The following PHF21B variants were observed in gnomAD, a reference collection of about 807,000 sequenced individuals.
PHF21B encodes the protein PHD finger protein 4.
In PHF21B, 22 loss-of-function variants were observed where a neutral mutation model predicts 62.2. The ratio of observed to expected loss-of-function variants is 0.35; its 90% confidence interval spans 0.25 to 0.51. The LOEUF (loss-of-function observed/expected upper bound fraction) is 0.51. Ranked by LOEUF, PHF21B falls within the 20% of genes least tolerant of loss-of-function variation. PHF21B has a pLI of 0.97. For synonymous variants in PHF21B, 341 were observed against 314.7 expected (o/e 1.08, Z -0.88); for missense variants, 701 against 707.9 (o/e 0.99, Z 0.11).
Position 45,009,513 on chromosome 22 carries a change from C to A in PHF21B, c.37G>T (p.Glu13Ter). 1 of 1,564,452 alleles carries A rather than the reference C, an allele frequency of 6.4e-7. No individual in the cohort carries two copies. ...CCACCTACCTGGTGGCGCGCGAGTT[C>A]CACGGCGAGCGCCTCGGGCCGGCTC... ...LQSRPEALAV[E>*]LARHQNGDLK... The change falls in exon 1 of 13, where the codon GAA (glutamate) becomes TAA (stop). Residue 13 changes from glutamate (E) to a stop codon, truncating the protein, a stop_gained. Coordinates refer to ENST00000313237, the MANE Select transcript of PHF21B (RefSeq NM_138415.5). LOFTEE classifies it high-confidence loss of function. This position sits in a 1 kb window ranked among gnomAD's most constrained non-coding sequence, Gnocchi z 5.9.
intron 5 of PHF21B, among the ~76,000 whole-genome samples, chr22:44,905,638 T>G (rs966248351): frequency 1.3e-5 from 2 of 152,174 alleles, no homozygotes; most frequent in Admixed American, 1.3e-4. Context: ...TTTTGTTTTT[T>G]GTTTTTTTGA....
Position 44,935,466 on chromosome 22 carries a change from T to C in PHF21B, c.121-14976A>G, listed in dbSNP as rs183915414. ...TGTCTCTACTAAAAACACAAAAAATTAGCCGGGCGTGGTGGCGGGCGCCTG... is the reference window on the plus strand; with the variant it reads ...TGTCTCTACTAAAAACACAAAAAATCAGCCGGGCGTGGTGGCGGGCGCCTG... On this transcript the variant is annotated intron_variant, in intron 2 of 12. Transcript: ENST00000313237. Among the ~76,000 whole-genome samples, 829 of 152,004 alleles carry C rather than the reference T, an allele frequency of 5.5e-3. 4 individuals carry two copies. Among genetic ancestry groups the C allele is most frequent in the Non-Finnish European group, 8.5e-3 (578 of 67,980 alleles).
chr22:44,909,533 C>T (rs145153942), intron 5 of PHF21B, among the ~76,000 whole-genome samples: 101 of 152,344 alleles, frequency 6.6e-4, no homozygotes, highest in African/African-American at 2.3e-3. Flanking sequence ...TTAGACATGT[C>T]GAAGGACAAT....
At chr22:45,005,219 C>A (rs1325421317) in intron 2 of PHF21B, among the ~76,000 whole-genome samples, 1 of 152,224 alleles carries the variant, frequency 6.6e-6, no homozygotes, top group Non-Finnish European at 1.5e-5. Flanking sequence ...GGAGTCTTCA[C>A]ACATCATATC....
intron 2 of PHF21B, chr22:44,989,204 C>T (rs780592557): frequency 2.0e-5 from 3 of 152,276 alleles, no homozygotes; most frequent in African/African-American, 4.8e-5. Context: ...CAGGAGACCT[C>T]AGGGAACTCT....
chr22:44,991,434 C>T (rs909356224), intron 2 of PHF21B, among the ~76,000 whole-genome samples: 3 of 152,078 alleles, frequency 2.0e-5, no homozygotes, highest in African/African-American at 7.2e-5. Context: ...ACCACCAAGA[C>T]GACAGGCAGA....
rs997210494 is a variant in PHF21B at position 44,885,786 on chromosome 22, G to A, written c.1273+77C>T. ...AATGGACCCACCTGTCCTCCCACAG[G>A]ACCAGGTGAGCCCAGAGGCCTGGGT... On this transcript the variant is annotated intron_variant, in intron 11 of 12. Transcript: ENST00000313237. 21 of 1,442,456 alleles carry A rather than the reference G, an allele frequency of 1.5e-5. 1 individual carries two copies. Among genetic ancestry groups the A allele is most frequent in the Middle Eastern group, 3.6e-4 (2 of 5,552 alleles). 89.4% of individuals were successfully genotyped at this position (1,442,456 alleles called of 1,614,324 possible). A position where few individuals can be genotyped will look rare whatever the true frequency, so the allele number is the denominator to read the frequency against.
chr22:44,997,454 T>C (rs5766270), intron 2 of PHF21B, among the ~76,000 whole-genome samples: 151,135 of 152,240 alleles, frequency 0.99, 75,028 homozygotes, highest in Non-Finnish European at 1. Context: ...ACAAACAGAG[T>C]TTTGCATTCA....
chr22:44,904,886 G>C (rs1031221308), intron 5 of PHF21B, among the ~76,000 whole-genome samples: 1 of 152,120 alleles, frequency 6.6e-6, no homozygotes, highest in African/African-American at 2.4e-5. Context: ...ACTTTCCCTC[G>C]GCAGTCTGCA....
At chr22:44,889,189 C>T (rs2070915570) in intron 9 of PHF21B, among the ~76,000 whole-genome samples, 1 of 151,706 alleles carries the variant, frequency 6.6e-6, no homozygotes, top group South Asian at 2.1e-4. Context: ...TGAAGAAAAA[C>T]ACTGAATAAA....
intron 2 of PHF21B, among the ~76,000 whole-genome samples, chr22:45,006,840 A>G (rs2073322595): frequency 6.6e-6 from 1 of 150,796 alleles, no homozygotes; most frequent in Admixed American, 6.6e-5. Context: ...ACACTGGACC[A>G]GATCTGGTGG....
At chr22:44,947,482 C>T (rs1359153948) in intron 2 of PHF21B, among the ~76,000 whole-genome samples, 1 of 152,232 alleles carries the variant, frequency 6.6e-6, no homozygotes, top group African/African-American at 2.4e-5. Flanking sequence ...CCACGCAGCT[C>T]CCATGAATGG....
At chr22:44,892,887 TC>T (rs1206081458) in intron 7 of PHF21B, among the ~76,000 whole-genome samples, 2 of 152,192 alleles carry the variant, frequency 1.3e-5, no homozygotes, top group Non-Finnish European at 2.9e-5. Flanking sequence ...CCCTATGGCA[TC>T]CTTAAATCCC....
intron 2 of PHF21B, among the ~76,000 whole-genome samples, chr22:44,930,428 T>C (rs2071717932): frequency 6.6e-6 from 1 of 152,092 alleles, no homozygotes; most frequent in Admixed American, 6.5e-5. Flanking sequence ...TAAATATGCA[T>C]GAAGGAGACA....
At chr22:45,007,838 T>G (rs1374702635) in intron 2 of PHF21B, among the ~76,000 whole-genome samples, 1 of 150,992 alleles carries the variant, frequency 6.6e-6, no homozygotes, top group African/African-American at 2.4e-5. Context: ...TTCGTGGTGC[T>G]GAAACCCCGA....
intron 2 of PHF21B, among the ~76,000 whole-genome samples, chr22:44,992,261 C>A (rs1193646243): frequency 1.3e-5 from 2 of 152,264 alleles, no homozygotes; most frequent in African/African-American, 4.8e-5. Context: ...CTTGAAGCCA[C>A]TTTGCAGAGG....
At chr22:44,959,692 G>A (rs2072378309) in intron 2 of PHF21B, among the ~76,000 whole-genome samples, 1 of 152,218 alleles carries the variant, frequency 6.6e-6, no homozygotes, top group South Asian at 2.1e-4. Flanking sequence ...ATGAGAGGGA[G>A]CCAGTGCTAC....
At chr22:44,894,702 C>T (rs1218334985) in intron 6 of PHF21B, among the ~76,000 whole-genome samples, 1 of 152,218 alleles carries the variant, frequency 6.6e-6, no homozygotes, top group Non-Finnish European at 1.5e-5. Flanking sequence ...CAGGGGGCTT[C>T]CCTGCCCAGG....
intron 2 of PHF21B, among the ~76,000 whole-genome samples, chr22:44,936,960 C>T (rs1439366133): frequency 4.0e-5 from 6 of 151,290 alleles, no homozygotes. Flanking sequence ...GCAACCTCCA[C>T]CTCCCGGGAT....
Sources: gnomAD v4.1 joint callset for allele counts (sites outside exome capture counted in the v4.1 genomes callset) on GRCh38, gnomAD v4.1.1 for gene constraint, Gnocchi (gnomAD v3.1) non-coding constraint, MANE v1.5 for transcripts, NCBI Gene and HGNC (gene_info 2026-07-23, HGNC 2026-07-21) for gene names.